FBXO31: variants seen among roughly 807,000 people sequenced by gnomAD.
FBXO31 encodes F-box protein 31, also known as F-box only protein 31.
In FBXO31, 24 loss-of-function variants were observed where a neutral mutation model predicts 54.4. The observed-to-expected ratio is 0.44, with a 90% CI of 0.32 to 0.62. FBXO31 has a LOEUF of 0.62. Ranked by LOEUF, FBXO31 falls within the 20% of genes least tolerant of loss-of-function variation. FBXO31 has a pLI of 0.05. For missense variants in FBXO31, 665 were observed against 787.1 expected, an observed-to-expected ratio of 0.84 and a Z score of 1.86; for synonymous variants, 388 against 335.6, an observed-to-expected ratio of 1.16 and a Z score of -1.71.
chr16:87,371,571 G>C (rs1424934096), intron 1 of FBXO31, among the ~76,000 whole-genome samples: 1 of 152,246 alleles, frequency 6.6e-6, no homozygotes, highest in African/African-American at 2.4e-5. Flanking sequence ...CGGTGGCCAG[G>C]GACGGCGTTC....
chr16:87,352,880 C>A (rs561987847), intron 2 of FBXO31, among the ~76,000 whole-genome samples: 1 of 152,228 alleles, frequency 6.6e-6, no homozygotes, highest in Non-Finnish European at 1.5e-5. Context: ...CCGGCCCAGG[C>A]GCCGGCACAT....
chr16:87,339,444 G>T (rs997547802), intron 5 of FBXO31, among the ~76,000 whole-genome samples: 1 of 152,200 alleles, frequency 6.6e-6, no homozygotes, highest in African/African-American at 2.4e-5. Context: ...CAAGATGAAC[G>T]AAGTGACTGT....
chr16:87,339,640 G>A (rs770649839), intron 5 of FBXO31, among the ~76,000 whole-genome samples: 2 of 152,200 alleles, frequency 1.3e-5, no homozygotes, highest in South Asian at 4.1e-4. Context: ...GGGACGAGCC[G>A]AGGGAGTATG....
At chr16:87,366,098 TCA>T (rs1357292650) in intron 1 of FBXO31, among the ~76,000 whole-genome samples, 1 of 152,058 alleles carries the variant, frequency 6.6e-6, no homozygotes, top group East Asian at 1.9e-4. Context: ...TAACAAACTG[TCA>T]CAGCCCAGAG....
chr16:87,340,788 C>A (rs1567615455), intron 5 of FBXO31, among the ~76,000 whole-genome samples: 1 of 152,136 alleles, frequency 6.6e-6, no homozygotes, highest in African/African-American at 2.4e-5. Context: ...GAGACACCCT[C>A]TCTCTTAAAA....
intron 1 of FBXO31, among the ~76,000 whole-genome samples, chr16:87,370,217 C>A (rs1906539114): frequency 6.6e-6 from 1 of 152,224 alleles, no homozygotes; most frequent in Non-Finnish European, 1.5e-5. Context: ...CCCCCTACCC[C>A]TGGGAAGGGA....
chr16:87,347,077 C>G, intron 3 of FBXO31, 97 bp downstream of exon 3: 2 of 1,106,782 alleles, frequency 1.8e-6, no homozygotes, highest in South Asian at 2.5e-5. Flanking sequence ...CACATCTGGG[C>G]CAGCTTGTAC....
intron 2 of FBXO31, among the ~76,000 whole-genome samples, chr16:87,351,655 G>A (rs146457528): frequency 6.6e-6 from 1 of 152,160 alleles, no homozygotes; most frequent in Non-Finnish European, 1.5e-5. Context: ...GATTACCTGA[G>A]GTCAGGAGTT....
Position 87,334,078 on chromosome 16 carries a change from G to A in FBXO31, c.1205C>T (p.Pro402Leu), listed in dbSNP as rs1904959755. 6.2e-7 allele frequency: 1 copy of A among 1,610,710 alleles called. No homozygotes were observed. Among genetic ancestry groups the A allele is most frequent in the South Asian group, 1.1e-5 (1 of 90,952 alleles). ...CTCTGCCCTGGGCTGGGCAGGGCTTGGCTGGGACTCCCGGGGGCCCTGCCG... is the reference window on the plus strand; with the variant it reads ...CTCTGCCCTGGGCTGGGCAGGGCTTAGCTGGGACTCCCGGGGGCCCTGCCG... Reference protein sequence around the residue: ...RGRQGPRESQPSPAQPRAEAP... With the variant: ...RGRQGPRESQLSPAQPRAEAP... The change falls in exon 8 of 9, where the codon CCA (proline) becomes CTA (leucine). Residue 402 changes from proline to leucine, a missense_variant. Coordinates refer to ENST00000311635, the MANE Select transcript of FBXO31 (RefSeq NM_024735.5).
In FBXO31 at chr16:87,336,858, C is replaced by T. The variant is rs1408945304; in HGVS notation, c.733-594G>A. ...CAGTCCGCCCTGCATTCTGCCATCA[C>T]ATGGTGCTGAGGATATTTCGTGCTT... On this transcript the variant is annotated intron_variant, in intron 5 of 8. Transcript: ENST00000311635. The surrounding 1 kb of genome is among the most constrained non-coding windows in gnomAD (Gnocchi z 6.5). 6.6e-6 allele frequency among the ~76,000 whole-genome samples: 1 copy of T among 152,240 alleles called. No individual in the cohort carries two copies. Among genetic ancestry groups the T allele is most frequent in the Non-Finnish European group, 1.5e-5 (1 of 68,054 alleles).
rs768513305 is a variant in FBXO31 at position 87,336,351 on chromosome 16, G to A, written c.733-87C>T. 63 of 1,184,808 alleles carry A rather than the reference G, an allele frequency of 5.3e-5. No homozygotes were observed. Among genetic ancestry groups the A allele is most frequent in the Non-Finnish European group, 7.2e-5 (58 of 806,166 alleles). The allele number at this position is 1,184,808 out of a possible 1,614,324, so 73.4% of individuals were successfully genotyped here. ...CTGTGCCGCTGAGAGGACACAGTGTGTCCTTCTTTGTCAGTGCACAGGCAC... is the reference window on the plus strand; with the variant it reads ...CTGTGCCGCTGAGAGGACACAGTGTATCCTTCTTTGTCAGTGCACAGGCAC... On this transcript the variant is annotated intron_variant, in intron 5 of 8. Coordinates refer to ENST00000311635, the MANE Select transcript of FBXO31 (RefSeq NM_024735.5). This position sits in a 1 kb window ranked among gnomAD's most constrained non-coding sequence, Gnocchi z 6.5.
At chr16:87,337,368 T>A (rs564271163) in intron 5 of FBXO31, among the ~76,000 whole-genome samples, 3 of 152,220 alleles carry the variant, frequency 2.0e-5, no homozygotes, top group Admixed American at 6.5e-5. Context: ...TCTCTCCAGA[T>A]TGATCTACAG....
upstream of FBXO31, chr16:87,384,019 G>C (rs184718664): frequency 4.5e-5 from 9 of 199,520 alleles, no homozygotes; most frequent in South Asian, 1.9e-4. Flanking sequence ...CAAAACGTTA[G>C]ACTGCCCCGT....
chr16:87,390,348 G>C (rs1470805996), upstream of FBXO31, among the ~76,000 whole-genome samples: 1 of 152,218 alleles, frequency 6.6e-6, no homozygotes, highest in Non-Finnish European at 1.5e-5. Flanking sequence ...TCTTCTGATG[G>C]TGGGAGTAAA....
At chr16:87,347,781 G>A (rs962219130) in intron 2 of FBXO31, among the ~76,000 whole-genome samples, 6 of 152,110 alleles carry the variant, frequency 3.9e-5, no homozygotes, top group Non-Finnish European at 5.9e-5. Context: ...TCAATGGGGG[G>A]AAATCAAGCA....
rs1034848742 is a variant in FBXO31, at chr16:87,346,434, C to G, written c.489+740G>C. Among the ~76,000 whole-genome samples, 1 of 152,122 alleles carries G rather than the reference C, an allele frequency of 6.6e-6. No individual in the cohort carries two copies. The highest frequency in any genetic ancestry group is 1.5e-5 in the Non-Finnish European group (1 of 68,022). ...TTAACAAAGAGAAGGAAAACTTCAC[C>G]GAAAAACGGGAATTTAATAAAAAAG... On this transcript the variant is annotated intron_variant, in intron 3 of 8. Coordinates refer to ENST00000311635, the MANE Select transcript of FBXO31 (RefSeq NM_024735.5). The surrounding 1 kb of genome is among the most constrained non-coding windows in gnomAD (Gnocchi z 4.2).
intron 1 of FBXO31, among the ~76,000 whole-genome samples, chr16:87,368,408 A>G (rs1338355928): frequency 6.6e-6 from 1 of 152,218 alleles, no homozygotes; most frequent in East Asian, 1.9e-4. Flanking sequence ...ACTGCCCTTA[A>G]CACAGCTCTC....
chr16:87,343,917 C>A (rs1905274958), intron 3 of FBXO31, 152 bp from the exon 4 acceptor site: 1 of 733,286 alleles, frequency 1.4e-6, no homozygotes, highest in Non-Finnish European at 2.2e-6. Context: ...GCCTCGAATC[C>A]CAGCACTATC....
intron 1 of FBXO31, among the ~76,000 whole-genome samples, chr16:87,376,144 C>G (rs1906814983): frequency 6.6e-6 from 1 of 152,202 alleles, no homozygotes; most frequent in African/African-American, 2.4e-5. Flanking sequence ...GCAAGCCTCA[C>G]CCACATCCTA....
Sources: gnomAD v4.1 joint callset for allele counts (sites outside exome capture counted in the v4.1 genomes callset) on GRCh38, gnomAD v4.1.1 for gene constraint, Gnocchi (gnomAD v3.1) non-coding constraint, MANE v1.5 for transcripts, NCBI Gene and HGNC (gene_info 2026-07-23, HGNC 2026-07-21) for gene names.